DOCK7: variants seen among roughly 807,000 people sequenced by gnomAD.
DOCK7 encodes dedicator of cytokinesis 7.
DOCK7 carries 138 observed loss-of-function variants against 271.0 expected under a neutral mutation model. The observed-to-expected ratio is 0.51, with a 90% CI of 0.44 to 0.59. The LOEUF is 0.59. DOCK7 is among the 20% of genes least tolerant of loss of function. DOCK7 has a pLI of 0.00. For missense variants in DOCK7, 2,066 were observed against 2,592.4 expected (o/e 0.80, Z 4.41); for synonymous variants, 823 against 876.1 (o/e 0.94, Z 1.07).
chr1:62,642,440 T>G (rs1656153637), intron 7 of DOCK7, among the ~76,000 whole-genome samples: 1 of 152,212 alleles, frequency 6.6e-6, no homozygotes, highest in South Asian at 2.1e-4. Context: ...CATTCTTGAC[T>G]TCTTTCTCTT....
chr1:62,665,843 T>C (rs547186095), intron 1 of DOCK7, among the ~76,000 whole-genome samples: 54 of 151,324 alleles, frequency 3.6e-4, no homozygotes, highest in African/African-American at 7.3e-4. Context: ...GTAAACTGAA[T>C]AGTAAACTGC....
At chr1:62,487,372 C>T (rs757236681) in intron 43 of DOCK7, 26 bp downstream of exon 43, 11 of 1,604,938 alleles carry the variant, frequency 6.9e-6, no homozygotes, top group Non-Finnish European at 9.4e-6. Flanking sequence ...CTATTAGTGT[C>T]TTTAACTAAC....
rs1644581157 is a variant in DOCK7 at position 62,513,956 on chromosome 1, T to C, written c.3937-58A>G. On this transcript the variant is annotated intron_variant, in intron 31 of 49. Coordinates refer to ENST00000635253, the MANE Select transcript of DOCK7 (RefSeq NM_001367561.1). The stretch of plus-strand genomic sequence containing the variant: ...TGATCAAAGACCATTTCTTGTTTTT[T>C]GGCTATCAACTGTTTTCTTCTAAAA... The C allele has an allele frequency of 4.0e-6, 6 of 1,483,956 alleles. No homozygotes were observed. In the East Asian group the frequency reaches 1.1e-4, roughly 28 times the overall value. The allele number at this position is 1,483,956 out of a possible 1,614,324, so 91.9% of individuals were successfully genotyped here.
intron 41 of DOCK7, chr1:62,492,234 C>G (rs1383711217): frequency 6.5e-6 from 1 of 153,844 alleles, no homozygotes. Context: ...AATAATGAAT[C>G]TAGAAAGAAA....
intron 1 of DOCK7, among the ~76,000 whole-genome samples, chr1:62,684,212 TA>T (rs58337673): frequency 0.34 from 49,179 of 143,458 alleles, 8,035 homozygotes; most frequent in South Asian, 0.43. Context: ...AACTCCATCT[TA>T]AAAAAAAAAA....
At chr1:62,642,407 T>C (rs931041321) in intron 7 of DOCK7, among the ~76,000 whole-genome samples, 2 of 152,128 alleles carry the variant, frequency 1.3e-5, no homozygotes, top group African/African-American at 4.8e-5. Flanking sequence ...CCTGGCCTGT[T>C]CTACTTTTTC....
chr1:62,510,068 C>G lies in DOCK7; in HGVS notation c.4379+509G>C, dbSNP rs146233265. Among the ~76,000 whole-genome samples the G allele has an allele frequency of 1.8e-3, 277 of 152,252 alleles. 1 individual carries two copies. The highest frequency in any genetic ancestry group is 6.5e-3 in the African/African-American group (269 of 41,546). On this transcript the variant is annotated intron_variant, in intron 34 of 49. Transcript: ENST00000635253. ...CTTGACTCAGTGCCAAATCTCAAGC[C>G]AGAAAAGTTTACCTGCAGCCACTTG...
chr1:62,543,574 C>T lies in DOCK7; in HGVS notation c.2949+82G>A, dbSNP rs78192975. The T allele has an allele frequency of 3.3e-3, 3,446 of 1,036,736 alleles. 13 individuals are homozygous for T. The highest frequency in any genetic ancestry group is 4.1e-3 in the Non-Finnish European group (2,801 of 687,680). The allele number at this position is 1,036,736 out of a possible 1,614,324, so 64.2% of individuals were successfully genotyped here. A position where few individuals can be genotyped will look rare whatever the true frequency, so the allele number is the denominator to read the frequency against. ...ATGCAATTACTGTAAGTATCTCATACTGGTTATGTAAAGAAATCTTACATC... is the reference window on the plus strand; with the variant it reads ...ATGCAATTACTGTAAGTATCTCATATTGGTTATGTAAAGAAATCTTACATC... On this transcript the variant is annotated intron_variant, in intron 24 of 49. Coordinates refer to ENST00000635253, the MANE Select transcript of DOCK7 (RefSeq NM_001367561.1).
intron 7 of DOCK7, among the ~76,000 whole-genome samples, chr1:62,642,366 A>C (rs546769535): frequency 1.3e-3 from 199 of 152,122 alleles, no homozygotes; most frequent in Middle Eastern, 0.01. Flanking sequence ...GGCCTCCCAA[A>C]GTGCTGGGAT....
At chr1:62,530,343 C>T (rs944477274) in intron 29 of DOCK7, among the ~76,000 whole-genome samples, 6 of 152,178 alleles carry the variant, frequency 3.9e-5, no homozygotes, top group African/African-American at 1.4e-4. Flanking sequence ...TACCTTCTCA[C>T]AGAAAATAAT....
intron 19 of DOCK7, among the ~76,000 whole-genome samples, chr1:62,560,732 C>G (rs1426059492): frequency 6.6e-6 from 1 of 152,160 alleles, no homozygotes; most frequent in Non-Finnish European, 1.5e-5. Flanking sequence ...CTCCCTTTCT[C>G]TGAGTAGTAA....
At chr1:62,672,370 T>C (rs1464999798) in intron 1 of DOCK7, among the ~76,000 whole-genome samples, 1 of 152,120 alleles carries the variant, frequency 6.6e-6, no homozygotes, top group Non-Finnish European at 1.5e-5. Flanking sequence ...AAAGTGTTAC[T>C]TTTGTTATAC....
chr1:62,548,182 C>A (rs1036065510), intron 22 of DOCK7, among the ~76,000 whole-genome samples: 1 of 149,826 alleles, frequency 6.7e-6, no homozygotes, highest in South Asian at 2.1e-4. Context: ...ATAATTAATT[C>A]ATATGCTACA....
At chr1:62,501,407 C>G (rs984224040) in intron 37 of DOCK7, among the ~76,000 whole-genome samples, 9 of 152,020 alleles carry the variant, frequency 5.9e-5, no homozygotes, top group Non-Finnish European at 1.2e-4. Flanking sequence ...CTACAGTAGA[C>G]ATAAAACAAA....
Position 62,455,199 on chromosome 1 carries a change from G to A in DOCK7, c.*215C>T. ...TAGTGTACCTTTGAGTCATTAAAAT[G>A]TCTTAAAAGATAACAGCTTGTTACC... On this transcript the variant is annotated 3_prime_UTR_variant, in exon 50 of 50. Transcript: ENST00000635253. 1 of 658,516 alleles carries A rather than the reference G, an allele frequency of 1.5e-6. No individual in the cohort carries two copies. Among genetic ancestry groups the A allele is most frequent in the African/African-American group, 1.8e-5 (1 of 55,300 alleles). 40.8% of individuals were successfully genotyped at this position (658,516 alleles called of 1,614,324 possible). A position where few individuals can be genotyped will look rare whatever the true frequency, so the allele number is the denominator to read the frequency against.
chr1:62,472,096 T>C (rs892871493), intron 48 of DOCK7, among the ~76,000 whole-genome samples: 1 of 151,590 alleles, frequency 6.6e-6, no homozygotes, highest in Non-Finnish European at 1.5e-5. Context: ...TGTTATTTCG[T>C]TTTTTTTGTT....
At chr1:62,496,531 T>C (rs1404263837) in intron 37 of DOCK7, 34 bp from the exon 38 acceptor site, 1 of 1,565,238 alleles carries the variant, frequency 6.4e-7, no homozygotes, top group Non-Finnish European at 8.6e-7. Flanking sequence ...CAATACTTAA[T>C]ATAGAAAAGC....
At chr1:62,479,737 A>ACAGTG in intron 43 of DOCK7, 1 of 386,438 alleles carries the variant, frequency 2.6e-6, no homozygotes, top group South Asian at 1.9e-5. Flanking sequence ...AGACTGGAAT[A>ACAGTG]CAGTGGTGCA....
At chr1:62,502,642 T>C (rs536608165) in intron 37 of DOCK7, among the ~76,000 whole-genome samples, 1 of 152,294 alleles carries the variant, frequency 6.6e-6, no homozygotes, top group Non-Finnish European at 1.5e-5. Flanking sequence ...CTAGGGGTAT[T>C]ACATAACTAT....
Sources: allele counts gnomAD v4.1 joint callset (sites outside exome capture counted in the v4.1 genomes callset), GRCh38; gene constraint gnomAD v4.1.1; transcripts MANE v1.5; gene names NCBI Gene and HGNC (gene_info 2026-07-23, HGNC 2026-07-21).